Variants in EXOC6B observed in about 807,000 individuals in gnomAD.
The protein encoded by EXOC6B is SEC15 homolog B.
EXOC6B carries 54 observed loss-of-function variants against 113.5 expected under a neutral mutation model. The ratio of observed to expected loss-of-function variants is 0.48; its 90% confidence interval spans 0.38 to 0.60. EXOC6B has a LOEUF of 0.60. Among genes scored for constraint, EXOC6B ranks in the 20% least tolerant of loss-of-function variants. EXOC6B has a pLI of 0.00. For missense variants in EXOC6B, 797 were observed against 977.5 expected (o/e 0.82, Z 2.46); for synonymous variants, 357 against 339.0 (o/e 1.05, Z -0.58).
At chr2:72,580,218 T>G (rs1705137622) in intron 6 of EXOC6B, among the ~76,000 whole-genome samples, 1 of 145,188 alleles carries the variant, frequency 6.9e-6, no homozygotes, top group African/African-American at 2.6e-5. Flanking sequence ...ATCGGCTCAC[T>G]GCAACCTCTG....
chr2:72,792,891 A>G (rs556598299), intron 1 of EXOC6B, among the ~76,000 whole-genome samples: 1 of 152,292 alleles, frequency 6.6e-6, no homozygotes, highest in East Asian at 1.9e-4. Flanking sequence ...TCTACAAATA[A>G]TATTGATTAG....
chr2:72,256,380 A>T (rs1310009141), intron 20 of EXOC6B, among the ~76,000 whole-genome samples: 1 of 152,232 alleles, frequency 6.6e-6, no homozygotes. Context: ...AGATAGGGTG[A>T]CTAAAGTTTA....
At chr2:72,609,727 A>T (rs752646128) in intron 6 of EXOC6B, among the ~76,000 whole-genome samples, 1 of 152,070 alleles carries the variant, frequency 6.6e-6, no homozygotes, top group Non-Finnish European at 1.5e-5. Context: ...TCCAAAACTG[A>T]TAAAAGATTT....
At position 72,724,646 on chromosome 2, in the gene EXOC6B, C is replaced by A. The variant is rs531429682; in HGVS notation, c.465-6339G>T. ...AGATCTAAAAAAATACCAGAAGTGG[C>A]AGAATTCGCAAAGGAGTACATAAAA... On this transcript the variant is annotated intron_variant, in intron 5 of 21. Transcript: ENST00000272427. Among the ~76,000 whole-genome samples the A allele has an allele frequency of 1.1e-4, 17 of 152,040 alleles. No individual in the cohort carries two copies. The South Asian group carries it at 3.5e-3, about 32-fold the overall frequency.
rs112509918 is a variant in EXOC6B, at chr2:72,546,031, G to A, written c.915+13422C>T. On this transcript the variant is annotated intron_variant, in intron 8 of 21. Transcript: ENST00000272427. ...ACTATGGTTTCCGTAGTTTCTCCCAGCTTCCAGTATAGACTATACCAGTAG... is the reference window on the plus strand; with the variant it reads ...ACTATGGTTTCCGTAGTTTCTCCCAACTTCCAGTATAGACTATACCAGTAG... Among the ~76,000 whole-genome samples the A allele has an allele frequency of 1.4e-4, 22 of 152,234 alleles. 2 individuals are homozygous for A. Among genetic ancestry groups the A allele is most frequent in the African/African-American group, 4.6e-4 (19 of 41,552 alleles).
intron 20 of EXOC6B, among the ~76,000 whole-genome samples, chr2:72,308,799 C>T (rs942074465): frequency 6.6e-6 from 1 of 152,036 alleles, no homozygotes; most frequent in African/African-American, 2.4e-5. Context: ...AACAGGCAGG[C>T]AGTTCTTTAT....
In EXOC6B at chr2:72,492,366, G is replaced by A; in HGVS notation, c.1617C>T (p.Ser539=). 6.2e-7 allele frequency: 1 copy of A among 1,612,926 alleles called. No individual in the cohort carries two copies. The highest frequency in any genetic ancestry group is 8.5e-7 in the Non-Finnish European group (1 of 1,179,144). ...TTTTAATTACATTCTGCAGAGAGTT[G>A]CTCAGAGTCCTGGTTAGCAACAGGT... ...STNLLLTRTL[S]NSLQNVIKRK... The change falls in exon 16 of 22, where the codon AGC becomes AGT. Residue 539 remains serine, a synonymous_variant. Transcript: ENST00000272427.
At chr2:72,477,259 C>T (rs961079233) in intron 17 of EXOC6B, among the ~76,000 whole-genome samples, 1 of 152,134 alleles carries the variant, frequency 6.6e-6, no homozygotes, top group Non-Finnish European at 1.5e-5. Flanking sequence ...AAGTCTTGAT[C>T]GTATTTCTGC....
intron 20 of EXOC6B, among the ~76,000 whole-genome samples, chr2:72,228,010 G>T (rs1681351947): frequency 6.6e-6 from 1 of 152,122 alleles, no homozygotes; most frequent in Non-Finnish European, 1.5e-5. Flanking sequence ...TTTGGGGGAA[G>T]GTATGATTGA....
intron 20 of EXOC6B, among the ~76,000 whole-genome samples, chr2:72,282,029 A>C (rs1011142002): frequency 2.0e-5 from 3 of 152,198 alleles, no homozygotes; most frequent in Non-Finnish European, 4.4e-5. Context: ...CTTAGAATTC[A>C]ATACCCAAGG....
At chr2:72,389,946 C>T (rs1425880266) in intron 18 of EXOC6B, among the ~76,000 whole-genome samples, 5 of 152,158 alleles carry the variant, frequency 3.3e-5, no homozygotes, top group Admixed American at 2.6e-4. Flanking sequence ...ACAAGACATA[C>T]TGTCTGTCCC....
At chr2:72,644,760 G>A (rs755443542) in intron 6 of EXOC6B, among the ~76,000 whole-genome samples, 6 of 152,130 alleles carry the variant, frequency 3.9e-5, no homozygotes, top group Non-Finnish European at 8.8e-5. Context: ...TCACCACCTG[G>A]CCTGCCTGAT....
chr2:72,290,942 TTAA>T (rs1222445596), intron 20 of EXOC6B, among the ~76,000 whole-genome samples: 3 of 152,166 alleles, frequency 2.0e-5, no homozygotes, highest in Non-Finnish European at 4.4e-5. Context: ...TATGTAATCT[TTAA>T]TAATATGCAA....
intron 6 of EXOC6B, among the ~76,000 whole-genome samples, chr2:72,641,256 G>A (rs543859246): frequency 2.4e-4 from 37 of 152,332 alleles, no homozygotes; most frequent in African/African-American, 3.6e-4. Context: ...GAAGCAGGGC[G>A]GGGCATCGCC....
chr2:72,767,217 G>A (rs1683119812), intron 1 of EXOC6B, among the ~76,000 whole-genome samples: 1 of 152,070 alleles, frequency 6.6e-6, no homozygotes, highest in South Asian at 2.1e-4. Flanking sequence ...ATCACCTGAG[G>A]TTAGGAGTTC....
intron 6 of EXOC6B, among the ~76,000 whole-genome samples, chr2:72,700,953 T>C (rs572788004): frequency 6.6e-6 from 1 of 150,954 alleles, no homozygotes; most frequent in East Asian, 2.0e-4. Context: ...AAGAAAAAGA[T>C]TAAAATGGTA....
intron 1 of EXOC6B, among the ~76,000 whole-genome samples, chr2:72,812,928 G>GCAAAAGACCCTTTTGAGA (rs1346812296): frequency 2.0e-5 from 3 of 151,932 alleles, no homozygotes; most frequent in Non-Finnish European, 4.4e-5. Context: ...CTTGTGATCT[G>GCAAAAGACCCTTTTGAGA]CAAAAGACCC....
At position 72,414,501 on chromosome 2, in the gene EXOC6B, T is replaced by C. The variant is rs558702425; in HGVS notation, c.1981-34631A>G. ...AGTGCTTGACTCCAGTTAGCTAATG[T>C]GACAAGAAGACAAAGAACCCTGCCA... is the stretch of plus-strand genomic sequence containing the variant. On this transcript the variant is annotated intron_variant, in intron 18 of 21. Coordinates refer to ENST00000272427, the MANE Select transcript of EXOC6B (RefSeq NM_015189.3). Among the ~76,000 whole-genome samples the C allele has an allele frequency of 1.9e-4, 29 of 152,328 alleles. No homozygotes were observed. In the South Asian group the frequency reaches 6.0e-3, roughly 32 times the overall value.
At position 72,179,469 on chromosome 2, in the gene EXOC6B, G is replaced by A. The variant is rs1401988569; in HGVS notation, c.2310-8C>T. 1 of 1,613,668 alleles carries A rather than the reference G, an allele frequency of 6.2e-7. No individual in the cohort carries two copies. The highest frequency in any genetic ancestry group is 8.5e-7 in the Non-Finnish European group (1 of 1,179,868). ...CGGCTAGTATCCTTCATCCTAAACA[G>A]AGAAGGAAAGAAAGAGGGCAACATG... is the stretch of plus-strand genomic sequence containing the variant. On this transcript the variant is annotated splice_region_variant and splice_polypyrimidine_tract_variant and intron_variant, in intron 21 of 21. Coordinates refer to ENST00000272427, the MANE Select transcript of EXOC6B (RefSeq NM_015189.3).
Sources: allele counts gnomAD v4.1 joint callset (sites outside exome capture counted in the v4.1 genomes callset), GRCh38; gene constraint gnomAD v4.1.1; transcripts MANE v1.5; gene names NCBI Gene and HGNC (gene_info 2026-07-23, HGNC 2026-07-21).